RBMS3: variants seen among roughly 807,000 people sequenced by gnomAD.
RBMS3 encodes the protein RNA binding motif single stranded interacting protein 3.
A neutral mutation model predicts 66.8 loss-of-function variants in RBMS3; 27 were observed. The observed-to-expected ratio is 0.40, with a 90% CI of 0.30 to 0.56. The LOEUF (loss-of-function observed/expected upper bound fraction) is 0.56. Among genes scored for constraint, RBMS3 ranks in the 20% least tolerant of loss-of-function variants. The pLI is 0.40. For synonymous variants in RBMS3, 188 were observed against 183.0 expected (o/e 1.03, Z -0.22); for missense variants, 513 against 549.5 (o/e 0.93, Z 0.66).
intron 6 of RBMS3, among the ~76,000 whole-genome samples, chr3:29,772,446 T>C (rs2056251441): frequency 6.6e-6 from 1 of 152,084 alleles, no homozygotes; most frequent in Admixed American, 6.6e-5. Flanking sequence ...GATTTTTACC[T>C]TCTTTGTGAG....
intron 8 of RBMS3, among the ~76,000 whole-genome samples, 155 bp from the exon 9 acceptor site, chr3:29,897,224 T>C (rs1324201547): frequency 6.6e-6 from 1 of 151,366 alleles, no homozygotes; most frequent in East Asian, 2.0e-4. Flanking sequence ...CTTAGTGGAA[T>C]CAAATAATGT....
intron 1 of RBMS3, among the ~76,000 whole-genome samples, chr3:29,420,257 C>T (rs1343289511): frequency 1.3e-5 from 2 of 152,178 alleles, no homozygotes; most frequent in Admixed American, 1.3e-4. Context: ...CACATATTCC[C>T]TCATGGTGCC....
intron 8 of RBMS3, among the ~76,000 whole-genome samples, chr3:29,890,828 G>A (rs1022719198): frequency 3.3e-5 from 5 of 151,544 alleles, no homozygotes. Flanking sequence ...GTGGGAAATA[G>A]GGTGAGACGG....
intron 10 of RBMS3, among the ~76,000 whole-genome samples, chr3:29,912,401 G>C (rs2060538423): frequency 6.6e-6 from 1 of 152,018 alleles, no homozygotes. Context: ...TAGGGAAAAT[G>C]ATGCTAATAT....
intron 4 of RBMS3, chr3:29,615,331 T>A (rs1477549421): frequency 1.3e-5 from 2 of 152,170 alleles, no homozygotes; most frequent in Non-Finnish European, 2.9e-5. Flanking sequence ...AGGTCTCCTG[T>A]CTGTGATCAT....
chr3:29,398,615 G>A (rs1010081949), intron 1 of RBMS3, among the ~76,000 whole-genome samples: 5 of 152,200 alleles, frequency 3.3e-5, no homozygotes, highest in African/African-American at 1.2e-4. Flanking sequence ...CAGAGTTCCA[G>A]CTAGAACACG....
At chr3:29,324,396 A>G (rs1194779711) in intron 1 of RBMS3, among the ~76,000 whole-genome samples, 1 of 152,306 alleles carries the variant, frequency 6.6e-6, no homozygotes, top group African/African-American at 2.4e-5. Context: ...TTGGGCTAAT[A>G]TGATTAACAT....
rs546163260 is a variant in RBMS3, at chr3:29,406,216, G to A, written c.76-28527G>A. Among the ~76,000 whole-genome samples the A allele has an allele frequency of 6.6e-5, 10 of 152,272 alleles. No homozygotes were observed. In the South Asian group the frequency reaches 2.1e-3, roughly 32 times the overall value. ...TTAAATGGTTGTGGCTCACAGTTGTGCTGTCTCCAAATTCATTCTGTTGAG... is the reference window on the plus strand; with the variant it reads ...TTAAATGGTTGTGGCTCACAGTTGTACTGTCTCCAAATTCATTCTGTTGAG... On this transcript the variant is annotated intron_variant, in intron 1 of 14. Coordinates refer to ENST00000383767, the MANE Select transcript of RBMS3 (RefSeq NM_001003793.3).
At chr3:29,583,260 G>A (rs571411338) in intron 3 of RBMS3, among the ~76,000 whole-genome samples, 12 of 152,194 alleles carry the variant, frequency 7.9e-5, no homozygotes, top group African/African-American at 2.9e-4. Flanking sequence ...TGTGTACCAT[G>A]TGGGGGTGGA....
chr3:29,368,772 C>T (rs2038039316), intron 1 of RBMS3, among the ~76,000 whole-genome samples: 1 of 152,062 alleles, frequency 6.6e-6, no homozygotes, highest in Admixed American at 6.6e-5. Flanking sequence ...GGTGATTCCT[C>T]AAATACCTGA....
intron 6 of RBMS3, among the ~76,000 whole-genome samples, chr3:29,859,161 C>T (rs539614108): frequency 1.3e-5 from 2 of 152,248 alleles, no homozygotes; most frequent in East Asian, 3.9e-4. Context: ...AAACATGAGC[C>T]TGACACTTAT....
At chr3:29,419,830 C>G (rs67259766) in intron 1 of RBMS3, among the ~76,000 whole-genome samples, 1 of 152,110 alleles carries the variant, frequency 6.6e-6, no homozygotes, top group Non-Finnish European at 1.5e-5. Context: ...ACTTCACAAG[C>G]TATTATTAAG....
chr3:29,587,244 TTTTTTGTGTGTGTG>T, intron 4 of RBMS3, 39 bp downstream of exon 4: 2 of 840,812 alleles, frequency 2.4e-6, no homozygotes, highest in Non-Finnish European at 1.7e-6. Flanking sequence ...TTTTTTTTTT[TTTTTTGTGTGTGTG>T]TGTGTGTGTG....
intron 6 of RBMS3, among the ~76,000 whole-genome samples, chr3:29,792,327 C>T (rs1253102862): frequency 6.6e-6 from 1 of 152,160 alleles, no homozygotes; most frequent in African/African-American, 2.4e-5. Flanking sequence ...CTGCATTTCA[C>T]CTCCTAGCAA....
At chr3:29,589,627 G>A (rs1372664052) in intron 4 of RBMS3, among the ~76,000 whole-genome samples, 1 of 152,032 alleles carries the variant, frequency 6.6e-6, no homozygotes, top group African/African-American at 2.4e-5. Context: ...CACTGTATTA[G>A]CAGATTTCTC....
At chr3:29,806,920 T>G (rs1192359019) in intron 6 of RBMS3, among the ~76,000 whole-genome samples, 1 of 151,948 alleles carries the variant, frequency 6.6e-6, no homozygotes, top group African/African-American at 2.4e-5. Flanking sequence ...TTTTGCCATA[T>G]AGTGGCAATG....
rs1373443766 is a variant in RBMS3, at chr3:29,450,871, C to T, written c.248+15956C>T. On this transcript the variant is annotated intron_variant, in intron 2 of 14. Coordinates refer to ENST00000383767, the MANE Select transcript of RBMS3 (RefSeq NM_001003793.3). ...AGCAAGTACTATGCCCAGTACCCACCAGCACGTAACAGTCTACCTCAACAC... is the reference window on the plus strand; with the variant it reads ...AGCAAGTACTATGCCCAGTACCCACTAGCACGTAACAGTCTACCTCAACAC... 2.6e-5 allele frequency among the ~76,000 whole-genome samples: 4 copies of T among 150,960 alleles called. No individual in the cohort carries two copies. The East Asian group carries it at 5.9e-4, about 22-fold the overall frequency.
chr3:29,328,070 T>C (rs1474269159), intron 1 of RBMS3, among the ~76,000 whole-genome samples: 1 of 152,204 alleles, frequency 6.6e-6, no homozygotes, highest in Non-Finnish European at 1.5e-5. Flanking sequence ...TACTCTGATT[T>C]AGTCTATTAT....
intron 14 of RBMS3, among the ~76,000 whole-genome samples, chr3:30,003,008 G>A (rs1388710588): frequency 6.6e-6 from 1 of 152,002 alleles, no homozygotes; most frequent in African/African-American, 2.4e-5. Flanking sequence ...AGAAGAACTT[G>A]CATAACTTTT....
Sources: allele counts gnomAD v4.1 joint callset (sites outside exome capture counted in the v4.1 genomes callset), GRCh38; gene constraint gnomAD v4.1.1; transcripts MANE v1.5; gene names NCBI Gene and HGNC (gene_info 2026-07-23, HGNC 2026-07-21).